Variants in ZNF236 observed in about 807,000 individuals in gnomAD.
ZNF236 encodes regulated by glucose.
ZNF236 carries 50 observed loss-of-function variants against 191.2 expected under a neutral mutation model. The observed-to-expected ratio is 0.26, with a 90% CI of 0.21 to 0.33. The LOEUF (loss-of-function observed/expected upper bound fraction) is 0.33. Among genes scored for constraint, ZNF236 ranks in the 10% least tolerant of loss-of-function variants. The probability of loss-of-function intolerance (pLI) is 1.00; values close to 1 mark genes in which losing one functional copy is unlikely to be tolerated. For missense variants in ZNF236, 1,754 were observed against 2,374.5 expected, an observed-to-expected ratio of 0.74 and a Z score of 5.43; for synonymous variants, 907 against 928.8, an observed-to-expected ratio of 0.98 and a Z score of 0.43.
At chr18:76,846,027 A>G (rs1328090170) in intron 1 of ZNF236, among the ~76,000 whole-genome samples, 1 of 152,222 alleles carries the variant, frequency 6.6e-6, no homozygotes, top group Non-Finnish European at 1.5e-5. Context: ...AGGTGTGGGT[A>G]TGCTGTTCCA....
At chr18:76,855,178 C>G (rs1395779798) in intron 3 of ZNF236, among the ~76,000 whole-genome samples, 2 of 152,216 alleles carry the variant, frequency 1.3e-5, no homozygotes, top group Non-Finnish European at 2.9e-5. Context: ...CCCACCTCAG[C>G]CTCCCAGAGT....
At chr18:76,840,579 T>TA (rs1028328258) in intron 1 of ZNF236, among the ~76,000 whole-genome samples, 3 of 149,478 alleles carry the variant, frequency 2.0e-5, no homozygotes. Flanking sequence ...TACATACAGA[T>TA]ACTGACAAAA....
At chr18:76,933,901 A>G (rs1017238843) in intron 25 of ZNF236, among the ~76,000 whole-genome samples, 18 of 152,184 alleles carry the variant, frequency 1.2e-4, no homozygotes, top group African/African-American at 3.1e-4. Flanking sequence ...TTAGTGAGCA[A>G]TATTTATCTA....
intron 3 of ZNF236, among the ~76,000 whole-genome samples, chr18:76,859,513 G>A (rs2122555404): frequency 6.6e-6 from 1 of 152,260 alleles, no homozygotes; most frequent in South Asian, 2.1e-4. Context: ...GTACTGCACA[G>A]CGTCTGTATC....
chr18:76,902,110 G>A (rs982546024), intron 11 of ZNF236, among the ~76,000 whole-genome samples: 7 of 152,194 alleles, frequency 4.6e-5, no homozygotes, highest in African/African-American at 4.8e-5. Context: ...AGACCAGATA[G>A]GGGAACCTGA....
intron 9 of ZNF236, chr18:76,887,878 G>A (rs1977104449): frequency 6.6e-6 from 1 of 152,136 alleles, no homozygotes; most frequent in African/African-American, 2.4e-5. Context: ...GTGAGATTTG[G>A]GTGGGGACAC....
At chr18:76,921,368 G>C (rs1237855420) in intron 20 of ZNF236, among the ~76,000 whole-genome samples, 1 of 152,200 alleles carries the variant, frequency 6.6e-6, no homozygotes, top group Non-Finnish European at 1.5e-5. Context: ...TTGATGGTGT[G>C]ATCTGAGGTT....
At chr18:76,951,181 C>T (rs1412685528) in intron 27 of ZNF236, among the ~76,000 whole-genome samples, 1 of 152,314 alleles carries the variant, frequency 6.6e-6, no homozygotes. Flanking sequence ...GCATTGGCTT[C>T]AACTTAAAGT....
At position 76,968,652 on chromosome 18, in the gene ZNF236, T is replaced by G; in HGVS notation, c.*313T>G. 1 of 1,069,734 alleles carries G rather than the reference T, an allele frequency of 9.3e-7. No individual in the cohort carries two copies. The highest frequency in any genetic ancestry group is 1.1e-6 in the Non-Finnish European group (1 of 884,818). The allele number at this position is 1,069,734 out of a possible 1,614,324, so 66.3% of individuals were successfully genotyped here. A position where few individuals can be genotyped will look rare whatever the true frequency, so the allele number is the denominator to read the frequency against. Reference sequence around the variant, plus strand: ...GCAATTAACTGGGTCTTACTATCATTGTAGTGTGATTTCTTTGTATTAGCA... The same window carrying G: ...GCAATTAACTGGGTCTTACTATCATGGTAGTGTGATTTCTTTGTATTAGCA... On this transcript the variant is annotated 3_prime_UTR_variant, in exon 31 of 31. Transcript: ENST00000320610.
At chr18:76,859,638 C>G (rs997845339) in intron 3 of ZNF236, among the ~76,000 whole-genome samples, 1 of 152,154 alleles carries the variant, frequency 6.6e-6, no homozygotes, top group African/African-American at 2.4e-5. Context: ...CTTAGCTTCA[C>G]AAAGACATGA....
intron 1 of ZNF236, among the ~76,000 whole-genome samples, chr18:76,845,103 G>T (rs571094061): frequency 6.6e-6 from 1 of 152,286 alleles, no homozygotes; most frequent in African/African-American, 2.4e-5. Context: ...GAATATTTAT[G>T]TAAAGCCTTA....
chr18:76,863,825 A>C (rs1976316778), intron 3 of ZNF236, among the ~76,000 whole-genome samples: 1 of 152,248 alleles, frequency 6.6e-6, no homozygotes, highest in Non-Finnish European at 1.5e-5. Context: ...ACTTACCCTT[A>C]AAGAATCACT....
intron 3 of ZNF236, among the ~76,000 whole-genome samples, chr18:76,853,734 G>A (rs946985612): frequency 6.6e-6 from 1 of 152,060 alleles, no homozygotes. Context: ...TTGCTGGCTC[G>A]GCATGGTGGC....
At chr18:76,883,777 A>G (rs1439445705) in intron 9 of ZNF236, among the ~76,000 whole-genome samples, 1 of 152,086 alleles carries the variant, frequency 6.6e-6, no homozygotes, top group African/African-American at 2.4e-5. Flanking sequence ...AAACTTTTCA[A>G]TTACTAGTGT....
At chr18:76,898,358 A>G (rs1977495600) in intron 10 of ZNF236, among the ~76,000 whole-genome samples, 1 of 152,246 alleles carries the variant, frequency 6.6e-6, no homozygotes, top group Non-Finnish European at 1.5e-5. Context: ...AATATCCCCC[A>G]AATTCCCTCA....
chr18:76,857,642 G>C (rs1434562171), intron 3 of ZNF236, among the ~76,000 whole-genome samples: 3 of 152,192 alleles, frequency 2.0e-5, no homozygotes, highest in South Asian at 4.1e-4. Flanking sequence ...AGGTACACTT[G>C]GAGGAGAGCC....
At chr18:76,936,629 A>G (rs1218667679) in intron 25 of ZNF236, among the ~76,000 whole-genome samples, 1 of 152,238 alleles carries the variant, frequency 6.6e-6, no homozygotes, top group African/African-American at 2.4e-5. Context: ...GGGTGATGAA[A>G]GTGAGAAAAT....
chr18:76,917,798 T>C (rs1296961424), intron 19 of ZNF236, among the ~76,000 whole-genome samples: 1 of 152,220 alleles, frequency 6.6e-6, no homozygotes, highest in Non-Finnish European at 1.5e-5. Flanking sequence ...CCGCTATCTA[T>C]AAGCTGCCCT....
At chr18:76,958,784 G>A (rs1968588959) in intron 28 of ZNF236, among the ~76,000 whole-genome samples, 1 of 152,178 alleles carries the variant, frequency 6.6e-6, no homozygotes, top group Non-Finnish European at 1.5e-5. Flanking sequence ...CACCTCCCGA[G>A]TTTGTTTTTC....
Sources: gnomAD v4.1 joint callset for allele counts (sites outside exome capture counted in the v4.1 genomes callset) on GRCh38, gnomAD v4.1.1 for gene constraint, MANE v1.5 for transcripts, NCBI Gene and HGNC (gene_info 2026-07-23, HGNC 2026-07-21) for gene names.